PLCB4: variants seen among roughly 807,000 people sequenced by gnomAD.
PLCB4 encodes 1-phosphatidylinositol 4,5-bisphosphate phosphodiesterase beta-4.
Under a neutral mutation model 178.8 loss-of-function variants are expected in PLCB4, and 77 were observed. The observed-to-expected ratio is 0.43, with a 90% CI of 0.36 to 0.52. The LOEUF is 0.52. PLCB4 is among the 20% of genes least tolerant of loss of function. PLCB4 has a pLI of 0.00. For synonymous variants in PLCB4, 496 were observed against 490.8 expected, an observed-to-expected ratio of 1.01 and a Z score of -0.14; for missense variants, 1,024 against 1,453.4, an observed-to-expected ratio of 0.70 and a Z score of 4.80.
Position 9,235,554 on chromosome 20 carries a change from C to T in PLCB4, c.-16+18102C>T, listed in dbSNP as rs114932156. Reference sequence around the variant, plus strand: ...GAAAGACTGGTCTCTTTCCAAATCCCGCTTTCAAAAATCTCAGAGAAGACA... The same window carrying T: ...GAAAGACTGGTCTCTTTCCAAATCCTGCTTTCAAAAATCTCAGAGAAGACA... On this transcript the variant is annotated intron_variant, in intron 3 of 39. Transcript: ENST00000378473. Among the ~76,000 whole-genome samples, 472 of 152,258 alleles carry T rather than the reference C, an allele frequency of 3.1e-3. 3 individuals are homozygous for T. Among genetic ancestry groups the T allele is most frequent in the African/African-American group, 0.01 (423 of 41,550 alleles).
chr20:9,163,941 A>G (rs1038593778), intron 2 of PLCB4, among the ~76,000 whole-genome samples: 31 of 152,208 alleles, frequency 2.0e-4, no homozygotes, highest in Non-Finnish European at 1.5e-5. Flanking sequence ...TGTAAACGAG[A>G]TAAGTTCATT....
chr20:9,446,092 G>A (rs1478759900), intron 32 of PLCB4, among the ~76,000 whole-genome samples: 1 of 152,176 alleles, frequency 6.6e-6, no homozygotes, highest in Non-Finnish European at 1.5e-5. Context: ...GTAATTCTCA[G>A]ATGCTGTGCT....
intron 4 of PLCB4, among the ~76,000 whole-genome samples, chr20:9,323,659 G>A (rs939427686): frequency 6.6e-5 from 10 of 152,220 alleles, no homozygotes; most frequent in Admixed American, 2.6e-4. Context: ...AGCTATGGAG[G>A]TGTGTCGCTT....
At chr20:9,165,753 T>C (rs1254795059) in intron 2 of PLCB4, among the ~76,000 whole-genome samples, 1 of 151,902 alleles carries the variant, frequency 6.6e-6, no homozygotes, top group Non-Finnish European at 1.5e-5. Flanking sequence ...AATTTTTTAT[T>C]GTAACGCTGT....
At chr20:9,199,687 T>C (rs2093518096) in intron 2 of PLCB4, among the ~76,000 whole-genome samples, 1 of 152,250 alleles carries the variant, frequency 6.6e-6, no homozygotes, top group Admixed American at 6.5e-5. Flanking sequence ...CAAATGGTTT[T>C]GATCTTAACA....
At chr20:9,203,777 G>GTTTT (rs553691545) in intron 2 of PLCB4, among the ~76,000 whole-genome samples, 8 of 101,682 alleles carry the variant, frequency 7.9e-5, no homozygotes, top group Admixed American at 6.8e-4. Flanking sequence ...TGGGAATAGT[G>GTTTT]TTTTTTTTTT....
chr20:9,260,169 A>G (rs1362899326), intron 3 of PLCB4, among the ~76,000 whole-genome samples: 1 of 152,088 alleles, frequency 6.6e-6, no homozygotes, highest in Non-Finnish European at 1.5e-5. Flanking sequence ...TCAAAGGGCT[A>G]TTTGTAAAGT....
intron 35 of PLCB4, among the ~76,000 whole-genome samples, chr20:9,461,024 T>G (rs2043355097): frequency 6.6e-6 from 1 of 152,224 alleles, no homozygotes; most frequent in Non-Finnish European, 1.5e-5. Flanking sequence ...AAAGTTGTGT[T>G]CATCATTCTG....
chr20:9,362,434 A>G (rs2035424417), intron 7 of PLCB4, among the ~76,000 whole-genome samples: 1 of 152,218 alleles, frequency 6.6e-6, no homozygotes, highest in South Asian at 2.1e-4. Flanking sequence ...TGGAAAACAT[A>G]GGTAAGATAA....
At chr20:9,419,978 A>G in intron 26 of PLCB4, 69 bp downstream of exon 26, 2 of 933,542 alleles carry the variant, frequency 2.1e-6, no homozygotes, top group Non-Finnish European at 3.5e-6. Flanking sequence ...AAATTATAAA[A>G]TATTGAATGT....
At chr20:9,477,981 G>A (rs1241157782) in intron 39 of PLCB4, among the ~76,000 whole-genome samples, 1 of 151,846 alleles carries the variant, frequency 6.6e-6, no homozygotes, top group African/African-American at 2.4e-5. Context: ...ATCTTCATAG[G>A]TCCATGTTTC....
chr20:9,196,192 C>G (rs1480478768), intron 2 of PLCB4, among the ~76,000 whole-genome samples: 1 of 152,150 alleles, frequency 6.6e-6, no homozygotes, highest in Non-Finnish European at 1.5e-5. Flanking sequence ...CTTGTTATAG[C>G]AGAGGTCACT....
chr20:9,068,917 G>A (rs1459476154), upstream of PLCB4: 1 of 151,338 alleles, frequency 6.6e-6, no homozygotes, highest in African/African-American at 2.4e-5. Context: ...AGGACCGCGC[G>A]GCGCGGAGAC....
rs975999722 is a variant in PLCB4, at chr20:9,270,173, G to GT, written c.-15-37621dup. Among the ~76,000 whole-genome samples, 112 of 152,176 alleles carry GT rather than the reference G, an allele frequency of 7.4e-4. 2 individuals carry two copies. The highest frequency in any genetic ancestry group is 2.6e-3 in the African/African-American group (108 of 41,526). On this transcript the variant is annotated intron_variant, in intron 3 of 39. Coordinates refer to ENST00000378473, the MANE Select transcript of PLCB4 (RefSeq NM_001377142.1). ...AAGCATCACTAAATGGTGAATTAAA[G>GT]TTTTTTCTTTTTATTTATTTTAAAA...
chr20:9,093,855 G>T (rs1425980740), intron 1 of PLCB4, among the ~76,000 whole-genome samples: 1 of 151,880 alleles, frequency 6.6e-6, no homozygotes, highest in Non-Finnish European at 1.5e-5. Context: ...TGTTGTGAGA[G>T]CTCAGCTTTA....
chr20:9,427,678 C>T (rs1761663248), intron 28 of PLCB4, among the ~76,000 whole-genome samples: 2 of 152,214 alleles, frequency 1.3e-5, no homozygotes, highest in Admixed American at 1.3e-4. Flanking sequence ...AGACAGGAAG[C>T]AGTTCCAGGG....
At chr20:9,452,278 T>C (rs954730021) in intron 32 of PLCB4, among the ~76,000 whole-genome samples, 1 of 152,220 alleles carries the variant, frequency 6.6e-6, no homozygotes, top group African/African-American at 2.4e-5. Flanking sequence ...TAAAAGAAGT[T>C]CATGAATTAG....
At chr20:9,069,646 G>T (rs983353815) in intron 1 of PLCB4, among the ~76,000 whole-genome samples, 6 of 152,172 alleles carry the variant, frequency 3.9e-5, no homozygotes, top group Admixed American at 3.9e-4. Context: ...TGGGGGCAGG[G>T]TTCGGGCCTC....
At chr20:9,455,178 G>C (rs1167653910) in intron 33 of PLCB4, among the ~76,000 whole-genome samples, 3 of 152,128 alleles carry the variant, frequency 2.0e-5, no homozygotes, top group Non-Finnish European at 4.4e-5. Flanking sequence ...TAATACCAAG[G>C]AGCAAATTGT....
Sources: allele counts gnomAD v4.1 joint callset (sites outside exome capture counted in the v4.1 genomes callset), GRCh38; gene constraint gnomAD v4.1.1; transcripts MANE v1.5; gene names NCBI Gene and HGNC (gene_info 2026-07-23, HGNC 2026-07-21).